The following ATP2B2 variants were observed in gnomAD, a reference collection of about 807,000 sequenced individuals.
ATP2B2 encodes the protein ATPase plasma membrane Ca2+ transporting 2, also known as plasma membrane calcium-transporting ATPase 2.
Under a neutral mutation model 120.0 loss-of-function variants are expected in ATP2B2, and 15 were observed. The observed-to-expected ratio is 0.12, with a 90% CI of 0.08 to 0.19. The LOEUF is 0.19. Ranked by LOEUF, ATP2B2 falls within the 10% of genes least tolerant of loss-of-function variation. The pLI is 1.00. For synonymous variants in ATP2B2, 694 were observed against 700.3 expected (o/e 0.99, Z 0.14); for missense variants, 1,045 against 1,719.8 (o/e 0.61, Z 6.94).
chr3:10,586,878 C>T (rs1445986389), intron 2 of ATP2B2, among the ~76,000 whole-genome samples: 7 of 152,172 alleles, frequency 4.6e-5, no homozygotes, highest in South Asian at 4.2e-4. Context: ...AGCTCTGCTC[C>T]GGTCCCTGCT....
intron 2 of ATP2B2, among the ~76,000 whole-genome samples, chr3:10,577,752 T>G (rs1212273762): frequency 1.3e-5 from 2 of 152,174 alleles, no homozygotes; most frequent in Admixed American, 1.3e-4. Context: ...TGACTCGGAA[T>G]GGCAGGGTTA....
At chr3:10,624,434 T>A (rs4684729) in intron 1 of ATP2B2, among the ~76,000 whole-genome samples, 35,722 of 152,028 alleles carry the variant, frequency 0.23, 4,594 homozygotes, top group East Asian at 0.52. Context: ...CATTGGTGGG[T>A]GTGTCTCTGC....
intron 1 of ATP2B2, among the ~76,000 whole-genome samples, chr3:10,654,040 C>T (rs367790715): frequency 7.2e-5 from 11 of 152,244 alleles, no homozygotes; most frequent in South Asian, 4.1e-4. Flanking sequence ...TCTTACTTGG[C>T]TCCTGGAAAT....
chr3:10,590,379 C>T (rs1376238567), intron 2 of ATP2B2, among the ~76,000 whole-genome samples: 1 of 152,324 alleles, frequency 6.6e-6, no homozygotes, highest in East Asian at 1.9e-4. Context: ...TCAGAATTCA[C>T]AGACCTGTAC....
At chr3:10,656,252 C>A (rs2070624804) in intron 1 of ATP2B2, among the ~76,000 whole-genome samples, 1 of 152,126 alleles carries the variant, frequency 6.6e-6, no homozygotes, top group Non-Finnish European at 1.5e-5. Flanking sequence ...GGGTCCAGCC[C>A]CACTTCATCG....
intron 14 of ATP2B2, among the ~76,000 whole-genome samples, chr3:10,352,719 A>G (rs933787509): frequency 2.0e-5 from 3 of 152,138 alleles, no homozygotes; most frequent in African/African-American, 7.2e-5. Context: ...AGGGAGTGGG[A>G]ATGTGGAATG....
rs1298086139 is a variant in ATP2B2, at chr3:10,402,271, G to A, written c.475C>T (p.Leu159Phe). ...AGWIEGAAIL[L>F]SVICVVLVTA... The stretch of plus-strand genomic sequence containing the variant: ...ACCAGGACCACACAGATAACTGAGA[G>A]GAGAATGGCGGCCCCCTCGATCCAA... Residue 159 changes from leucine (L) to phenylalanine (F), a missense_variant, in exon 4 of 23, where the codon CTC (leucine) becomes TTC (phenylalanine). This residue lies in a region of ATP2B2 where 30 missense variants were observed against 66.7 expected (regional missense o/e 0.45). Coordinates refer to ENST00000360273, the MANE Select transcript of ATP2B2 (RefSeq NM_001001331.4). The surrounding 1 kb of genome is among the most constrained non-coding windows in gnomAD (Gnocchi z 4.9). The A allele has an allele frequency of 6.2e-7, 1 of 1,614,018 alleles. No homozygotes were observed.
In ATP2B2 at chr3:10,438,712, C is replaced by T. The variant is rs530434047; in HGVS notation, c.199+10633G>A. ...ACTTACCCGCCCTGTCTGGGCCTCTCGGATGACAGGCAGGCCTGGAGGCAG... is the reference window on the plus strand; with the variant it reads ...ACTTACCCGCCCTGTCTGGGCCTCTTGGATGACAGGCAGGCCTGGAGGCAG... On this transcript the variant is annotated intron_variant, in intron 2 of 22. Coordinates refer to ENST00000360273, the MANE Select transcript of ATP2B2 (RefSeq NM_001001331.4). 4.6e-5 allele frequency among the ~76,000 whole-genome samples: 7 copies of T among 152,330 alleles called. No individual in the cohort carries two copies. In the East Asian group the frequency reaches 5.8e-4, roughly 13 times the overall value.
At chr3:10,421,987 A>T (rs1411238076) in intron 2 of ATP2B2, among the ~76,000 whole-genome samples, 1 of 152,160 alleles carries the variant, frequency 6.6e-6, no homozygotes, top group Non-Finnish European at 1.5e-5. Context: ...TTTATTCACT[A>T]ACACACATTT....
chr3:10,652,926 T>C (rs906559595), intron 1 of ATP2B2, among the ~76,000 whole-genome samples: 2 of 152,166 alleles, frequency 1.3e-5, no homozygotes, highest in African/African-American at 2.4e-5. Context: ...TGGTGGTTCC[T>C]GGGGGCTTGG....
At chr3:10,348,329 G>A (rs1309964860) in intron 16 of ATP2B2, among the ~76,000 whole-genome samples, 2 of 152,058 alleles carry the variant, frequency 1.3e-5, no homozygotes, top group African/African-American at 4.8e-5. Flanking sequence ...CAACTCTTAA[G>A]CAGGACAATC....
At chr3:10,559,265 G>A (rs879913926) in intron 2 of ATP2B2, among the ~76,000 whole-genome samples, 4 of 152,194 alleles carry the variant, frequency 2.6e-5, no homozygotes, top group Non-Finnish European at 4.4e-5. Flanking sequence ...AGTGGGCGGG[G>A]AGGATGGGGA....
At chr3:10,364,593 C>A (rs1387001312) in intron 12 of ATP2B2, among the ~76,000 whole-genome samples, 1 of 151,910 alleles carries the variant, frequency 6.6e-6, no homozygotes, top group African/African-American at 2.4e-5. Context: ...CCCCTGTAAT[C>A]CCAGTTACTC....
chr3:10,698,276 G>C (rs2071769074), intron 1 of ATP2B2, among the ~76,000 whole-genome samples: 2 of 152,192 alleles, frequency 1.3e-5, no homozygotes, highest in Non-Finnish European at 2.9e-5. Flanking sequence ...TTTGTCCCTG[G>C]GGTGCTGTGA....
At chr3:10,446,169 C>T (rs1559348053) in intron 2 of ATP2B2, among the ~76,000 whole-genome samples, 3 of 152,190 alleles carry the variant, frequency 2.0e-5, no homozygotes, top group Non-Finnish European at 2.9e-5. Flanking sequence ...CATAGAGATG[C>T]ATAACAGCCT....
At chr3:10,482,219 C>A (rs1053588791) in intron 1 of ATP2B2, among the ~76,000 whole-genome samples, 8 of 152,186 alleles carry the variant, frequency 5.3e-5, no homozygotes, top group African/African-American at 1.9e-4. Flanking sequence ...TCATAGCCAG[C>A]CTGGGGGTGG....
intron 2 of ATP2B2, among the ~76,000 whole-genome samples, chr3:10,600,426 C>A (rs2068877162): frequency 6.6e-6 from 1 of 152,220 alleles, no homozygotes; most frequent in Non-Finnish European, 1.5e-5. Context: ...TACCCTATGT[C>A]ATCTCCCCCT....
intron 5 of ATP2B2, among the ~76,000 whole-genome samples, chr3:10,392,523 C>T (rs552869462): frequency 2.6e-5 from 4 of 152,206 alleles, no homozygotes; most frequent in East Asian, 3.9e-4. Context: ...CAAGTCAAAG[C>T]GCAGTGGGCT....
intron 2 of ATP2B2, among the ~76,000 whole-genome samples, chr3:10,431,753 A>G (rs2063323276): frequency 6.6e-6 from 1 of 152,066 alleles, no homozygotes; most frequent in Non-Finnish European, 1.5e-5. Context: ...TAACTTAAAA[A>G]AAAAAAAAGG....
Sources: gnomAD v4.1 joint callset for allele counts (sites outside exome capture counted in the v4.1 genomes callset) on GRCh38, gnomAD v4.1.1 for gene constraint, gnomAD v4.1.1 regional missense constraint, Gnocchi (gnomAD v3.1) non-coding constraint, MANE v1.5 for transcripts, NCBI Gene and HGNC (gene_info 2026-07-23, HGNC 2026-07-21) for gene names.